Variants in GYG1 observed in about 807,000 individuals in gnomAD.
GYG1 encodes the protein glycogenin 1, also known as glycogenin-1.
GYG1 carries 44 observed loss-of-function variants against 41.9 expected under a neutral mutation model. That is an observed-to-expected ratio of 1.05 (90% CI 0.83 to 1.35). The LOEUF (loss-of-function observed/expected upper bound fraction) is 1.35, where lower values mean the gene tolerates loss of function less well. GYG1 is among the 40% of genes most tolerant of loss of function. The pLI is 0.00. For synonymous variants in GYG1, 141 were observed against 158.1 expected (o/e 0.89, Z 0.81); for missense variants, 429 against 418.9 (o/e 1.02, Z -0.21).
intron 5 of GYG1, among the ~76,000 whole-genome samples, chr3:149,014,289 C>T (rs184815647): frequency 6.6e-6 from 1 of 152,286 alleles, no homozygotes; most frequent in African/African-American, 2.4e-5. Flanking sequence ...GCTGCATATT[C>T]TGGTGCCTTA....
chr3:148,994,118 T>A (rs1188005099), intron 1 of GYG1, 24 bp from the exon 2 acceptor site: 1 of 1,587,644 alleles, frequency 6.3e-7, no homozygotes, highest in South Asian at 1.1e-5. Flanking sequence ...CTGTAATGAG[T>A]GTTTTTTTTT....
chr3:148,992,114 T>C (rs1051797891), intron 1 of GYG1, among the ~76,000 whole-genome samples: 20 of 151,938 alleles, frequency 1.3e-4, no homozygotes, highest in African/African-American at 4.8e-4. Context: ...GCCCGGCTCC[T>C]CCGCCGCCCG....
intron 5 of GYG1, among the ~76,000 whole-genome samples, chr3:149,017,667 C>G (rs1045146729): frequency 2.4e-5 from 3 of 125,220 alleles, no homozygotes; most frequent in African/African-American, 8.8e-5. Flanking sequence ...GTGATCTTGG[C>G]TCACTGCAAC....
At chr3:149,003,617 A>G (rs1161543977) in intron 4 of GYG1, among the ~76,000 whole-genome samples, 1 of 152,184 alleles carries the variant, frequency 6.6e-6, no homozygotes, top group Non-Finnish European at 1.5e-5. Context: ...TACTTCTCAA[A>G]TTTAATATGC....
intron 4 of GYG1, among the ~76,000 whole-genome samples, chr3:148,998,602 TTAAAA>T (rs1712935262): frequency 6.6e-6 from 1 of 152,174 alleles, no homozygotes; most frequent in African/African-American, 2.4e-5. Context: ...TTAAGCAACC[TTAAAA>T]TAAGAAAATA....
At chr3:149,020,140 C>T (rs1039799220) in intron 5 of GYG1, among the ~76,000 whole-genome samples, 2 of 152,174 alleles carry the variant, frequency 1.3e-5, no homozygotes, top group African/African-American at 4.8e-5. Flanking sequence ...TTTTCCTTAA[C>T]CTCTGTTGCA....
intron 5 of GYG1, 26 bp downstream of exon 5, chr3:149,009,428 T>C (rs755799072): frequency 5.6e-6 from 9 of 1,611,766 alleles, no homozygotes; most frequent in Non-Finnish European, 7.6e-6. Context: ...TTAACTATTG[T>C]TGGAGATGTT....
chr3:149,012,675 C>T (rs568753519), intron 5 of GYG1, among the ~76,000 whole-genome samples: 2 of 151,552 alleles, frequency 1.3e-5, no homozygotes, highest in Non-Finnish European at 2.9e-5. Flanking sequence ...TTTATCACTT[C>T]GAATGACTAC....
intron 4 of GYG1, among the ~76,000 whole-genome samples, chr3:149,003,250 G>A (rs1335846894): frequency 6.6e-6 from 1 of 151,752 alleles, no homozygotes; most frequent in African/African-American, 2.4e-5. Flanking sequence ...TGAGTAGCTG[G>A]GATTACAGGT....
At chr3:148,993,971 T>G (rs1712639275) in intron 1 of GYG1, among the ~76,000 whole-genome samples, 171 bp from the exon 2 acceptor site, 1 of 152,198 alleles carries the variant, frequency 6.6e-6, no homozygotes, top group South Asian at 2.1e-4. Flanking sequence ...TGAACCATTC[T>G]TGAAGTGGGC....
At chr3:148,996,631 G>A in intron 3 of GYG1, 111 bp from the exon 4 acceptor site, 2 of 1,235,726 alleles carry the variant, frequency 1.6e-6, no homozygotes, top group Non-Finnish European at 2.4e-6. Context: ...AGGAGGCCCA[G>A]GCTGCCTTAC....
chr3:148,997,054 T>TTGTGTGTGTG (rs10571382), intron 4 of GYG1, 150 bp downstream of exon 4: 382 of 606,826 alleles, frequency 6.3e-4, no homozygotes, highest in African/African-American at 9.7e-4. Flanking sequence ...CTGGGAAATA[T>TTGTGTGTGTG]TGTGTGTGTG....
chr3:149,013,363 T>A (rs1432201915), intron 5 of GYG1, among the ~76,000 whole-genome samples: 1 of 152,228 alleles, frequency 6.6e-6, no homozygotes, highest in African/African-American at 2.4e-5. Context: ...GTTTCATTTT[T>A]GCTTTCTATT....
chr3:149,024,877 T>G (rs751866017), intron 6 of GYG1, among the ~76,000 whole-genome samples: 1 of 152,240 alleles, frequency 6.6e-6, no homozygotes. Flanking sequence ...TTTGTTCTTA[T>G]GAAAGAATTG....
chr3:149,002,370 G>T (rs962795661), intron 4 of GYG1, among the ~76,000 whole-genome samples: 1 of 152,162 alleles, frequency 6.6e-6, no homozygotes, highest in Non-Finnish European at 1.5e-5. Flanking sequence ...CTGAGAAACT[G>T]ACATTTAAGC....
rs1177041431 is a variant in GYG1 at position 149,008,751 on chromosome 3, T to C, written c.482-525T>C. 3 of 168,464 alleles carry C rather than the reference T, an allele frequency of 1.8e-5. No homozygotes were observed. The South Asian group carries it at 4.3e-4, about 24-fold the overall frequency. The allele number at this position is 168,464 out of a possible 1,614,324, so 10.4% of individuals were successfully genotyped here. A position where few individuals can be genotyped will look rare whatever the true frequency, so the allele number is the denominator to read the frequency against. On this transcript the variant is annotated intron_variant, in intron 4 of 7. Coordinates refer to ENST00000345003, the MANE Select transcript of GYG1 (RefSeq NM_004130.4). ...GCACTGTTGACTCTGCAATGCCTAG[T>C]ACAGTATCTGGTACATAGTAGCTGC...
chr3:149,027,278 T>G lies in GYG1; in HGVS notation c.*345T>G, dbSNP rs374995146. The G allele has an allele frequency of 5.2e-4, 168 of 322,634 alleles. 1 individual carries two copies. In the South Asian group the frequency reaches 6.2e-3, roughly 12 times the overall value. The allele number at this position is 322,634 out of a possible 1,614,324, so 20.0% of individuals were successfully genotyped here. A position where few individuals can be genotyped will look rare whatever the true frequency, so the allele number is the denominator to read the frequency against. ...GCCTGGTTCAAAATCAGTCACTCCC[T>G]TCAGAAGCAGACATGGCATCTGTTC... On this transcript the variant is annotated 3_prime_UTR_variant, in exon 8 of 8. Coordinates refer to ENST00000345003, the MANE Select transcript of GYG1 (RefSeq NM_004130.4).
chr3:149,018,012 C>T (rs1167013848), intron 5 of GYG1, among the ~76,000 whole-genome samples: 2 of 152,058 alleles, frequency 1.3e-5, no homozygotes, highest in East Asian at 1.9e-4. Flanking sequence ...CTGGGTTAGC[C>T]TTTTAAGTGT....
chr3:148,996,827 G>C lies in GYG1; in HGVS notation c.404G>C (p.Gly135Ala). 6.2e-7 allele frequency: 1 copy of C among 1,613,232 alleles called. No individual in the cohort carries two copies. Among genetic ancestry groups the C allele is most frequent in the Non-Finnish European group, 8.5e-7 (1 of 1,179,160 alleles). Residue 135 changes from glycine (G) to alanine (A), a missense_variant, in exon 4 of 8, where the codon GGA becomes GCA. By Grantham distance (60) the Gly-to-Ala change is moderately conservative. Coordinates refer to ENST00000345003, the MANE Select transcript of GYG1 (RefSeq NM_004130.4). ...GGGTGGCCTGACTGCTTCAATTCCG[G>C]AGTCTTCGTTTATCAGCCTTCAGTT... is the stretch of plus-strand genomic sequence containing the variant. The part of the protein sequence containing the change: ...DPGWPDCFNS[G>A]VFVYQPSVET...
Sources: gnomAD v4.1 joint callset for allele counts (sites outside exome capture counted in the v4.1 genomes callset) on GRCh38, gnomAD v4.1.1 for gene constraint, MANE v1.5 for transcripts, NCBI Gene and HGNC (gene_info 2026-07-23, HGNC 2026-07-21) for gene names.